The following SCN1A variants were observed in gnomAD, a reference collection of about 807,000 sequenced individuals.
SCN1A encodes sodium channel protein type 1 subunit alpha.
In SCN1A, 13 loss-of-function variants were observed where a neutral mutation model predicts 193.7. The ratio of observed to expected loss-of-function variants is 0.07; its 90% CI spans 0.04 to 0.11. The LOEUF (loss-of-function observed/expected upper bound fraction) is 0.11. Ranked by LOEUF, SCN1A falls within the 10% of genes least tolerant of loss-of-function variation. SCN1A has a pLI of 1.00. For missense variants in SCN1A, 1,432 were observed against 2,451.1 expected (o/e 0.58, Z 8.78); for synonymous variants, 781 against 843.6 (o/e 0.93, Z 1.29).
intron 1 of SCN1A, among the ~76,000 whole-genome samples, chr2:166,134,948 A>T (rs1476429323): frequency 6.6e-6 from 1 of 152,208 alleles, no homozygotes; most frequent in Non-Finnish European, 1.5e-5. Context: ...GAGAAAATAA[A>T]CATAAATGCA....
intron 4 of SCN1A, among the ~76,000 whole-genome samples, chr2:166,072,436 G>C (rs143694858): frequency 2.6e-5 from 4 of 152,220 alleles, no homozygotes; most frequent in African/African-American, 9.6e-5. Flanking sequence ...ATTGTTTATA[G>C]GTTCTTCAGG....
At chr2:166,131,662 G>T (rs887217436), upstream of SCN1A, among the ~76,000 whole-genome samples, 1 of 152,148 alleles carries the variant, frequency 6.6e-6, no homozygotes, top group African/African-American at 2.4e-5. Flanking sequence ...TTATCAGAAG[G>T]CTGAGGAATT....
At chr2:166,113,307 A>C (rs1689497063) in intron 2 of SCN1A, among the ~76,000 whole-genome samples, 1 of 152,106 alleles carries the variant, frequency 6.6e-6, no homozygotes, top group Non-Finnish European at 1.5e-5. Context: ...TAAATTTAGA[A>C]TCTAAGTACT....
At chr2:166,068,164 T>C (rs561075171) in intron 4 of SCN1A, among the ~76,000 whole-genome samples, 2 of 152,290 alleles carry the variant, frequency 1.3e-5, no homozygotes, top group East Asian at 3.9e-4. Context: ...AGGTACTGGG[T>C]ATTTTGATAT....
At chr2:166,083,319 A>G (rs1365359483) in intron 2 of SCN1A, among the ~76,000 whole-genome samples, 2 of 152,122 alleles carry the variant, frequency 1.3e-5, no homozygotes, top group Non-Finnish European at 2.9e-5. Context: ...TAACTTCATT[A>G]TCTACCCTTA....
At chr2:166,132,359 A>T (rs1300948243), upstream of SCN1A, among the ~76,000 whole-genome samples, 1 of 136,670 alleles carries the variant, frequency 7.3e-6, no homozygotes, top group Non-Finnish European at 1.6e-5. Flanking sequence ...TTGCTTTTGT[A>T]GATGTCAATT....
At chr2:166,136,157 A>G (rs766216044) in intron 1 of SCN1A, among the ~76,000 whole-genome samples, 24 of 152,190 alleles carry the variant, frequency 1.6e-4, no homozygotes, top group Non-Finnish European at 3.1e-4. Flanking sequence ...TCTGATTGCT[A>G]TCATGACATC....
chr2:166,128,280 G>C (rs1314089373), upstream of SCN1A, among the ~76,000 whole-genome samples: 2 of 151,892 alleles, frequency 1.3e-5, no homozygotes, highest in Admixed American at 1.3e-4. Flanking sequence ...AGAGGAAAAG[G>C]TTTGAAAGTA....
Position 166,058,692 on chromosome 2 carries a change from T to C in SCN1A, c.265-4A>G, listed in dbSNP as rs776470979. 1.1e-5 allele frequency: 16 copies of C among 1,492,350 alleles called. No homozygotes were observed. The Admixed American group carries it at 2.7e-4, about 25-fold the overall frequency. The allele number at this position is 1,492,350 out of a possible 1,614,324, so 92.4% of individuals were successfully genotyped here. On this transcript the variant is annotated splice_region_variant and splice_polypyrimidine_tract_variant and intron_variant, in intron 4 of 28. Transcript: ENST00000674923. ...CTTTATTCAATACTATAAAAGTCTG[T>C]AAGACAGGAACACAACATAGAAGTA...
Position 165,996,030 on chromosome 2 carries a change from G to T in SCN1A, c.4564C>A (p.Pro1522Thr). 1 of 1,605,826 alleles carries T rather than the reference G, an allele frequency of 6.2e-7. No homozygotes were observed. The change falls in exon 27 of 29, where the codon CCT becomes ACT. Residue 1522 changes from proline (P) to threonine (T), a missense_variant. Physicochemically the swap from Pro to Thr is conservative, Grantham distance 38 (BLOSUM62 -1). This residue lies in a region of SCN1A where 85 missense variants were observed against 119.1 expected (regional missense o/e 0.71). Transcript: ENST00000674923. ...KKLGSKKPQK[P>T]IPRPGNKFQG... ...CTTCTTACTCCTGGTCGAGGTATAG[G>T]CTTTTGCGGTTTTTTCGATCCTAAT...
intron 5 of SCN1A, 126 bp from the exon 6 acceptor site, chr2:166,056,626 G>C: frequency 1.4e-6 from 1 of 706,292 alleles, no homozygotes; most frequent in South Asian, 1.6e-5. Flanking sequence ...TTGTGGGCAA[G>C]TCTTCTAATC....
intron 9 of SCN1A, among the ~76,000 whole-genome samples, chr2:166,049,764 A>C (rs937902677): frequency 6.6e-6 from 1 of 152,018 alleles, no homozygotes; most frequent in African/African-American, 2.4e-5. Flanking sequence ...TATTCTTAGG[A>C]TGACACTACT....
At chr2:165,995,910 G>T (rs1689964635) in intron 27 of SCN1A, 103 bp downstream of exon 27, 7 of 800,946 alleles carry the variant, frequency 8.7e-6, no homozygotes, top group South Asian at 7.4e-5. Context: ...ACAAGTGAAA[G>T]AAATTTTTTC....
At chr2:166,044,667 A>C (rs749499950) in intron 13 of SCN1A, among the ~76,000 whole-genome samples, 1 of 152,200 alleles carries the variant, frequency 6.6e-6, no homozygotes, top group African/African-American at 2.4e-5. Context: ...GAAAAAAAAC[A>C]TAAAATCATA....
chr2:166,118,298 G>GCTTCTTCTTTTTTTTTTTTTT (rs371947861), intron 2 of SCN1A, among the ~76,000 whole-genome samples: 3 of 44,696 alleles, frequency 6.7e-5, no homozygotes, highest in African/African-American at 2.2e-4. Flanking sequence ...TTTCTATTTA[G>GCTTCTTCTTTTTTTTTTTTTT]TTTCTTTTTT....
At position 165,992,522 on chromosome 2, in the gene SCN1A, A is replaced by T; in HGVS notation, c.4853-100T>A. ...TCCAAGGTAAGGTTCAGAGTCCTGA[A>T]CCCAGTTATATTAAATATGACAACT... On this transcript the variant is annotated intron_variant, in intron 28 of 28. Transcript: ENST00000674923. The surrounding 1 kb of genome is among the most constrained non-coding windows in gnomAD (Gnocchi z 6.5). The T allele has an allele frequency of 8.8e-7, 1 of 1,134,944 alleles. No homozygotes were observed. The highest frequency in any genetic ancestry group is 1.3e-6 in the Non-Finnish European group (1 of 761,502). The allele number at this position is 1,134,944 out of a possible 1,614,324, so 70.3% of individuals were successfully genotyped here.
chr2:166,023,046 T>G (rs1694271374), intron 19 of SCN1A, among the ~76,000 whole-genome samples: 1 of 152,252 alleles, frequency 6.6e-6, no homozygotes. Context: ...AATTCTCAAC[T>G]TTAAAGCTCT....
intron 1 of SCN1A, among the ~76,000 whole-genome samples, chr2:166,137,129 C>G (rs1191360078): frequency 6.6e-6 from 1 of 152,152 alleles, no homozygotes; most frequent in Non-Finnish European, 1.5e-5. Flanking sequence ...TTGTTGGGCT[C>G]TGGGAATGTT....
chr2:166,025,264 C>T (rs888020863), intron 19 of SCN1A, among the ~76,000 whole-genome samples: 3 of 152,096 alleles, frequency 2.0e-5, no homozygotes, highest in Non-Finnish European at 4.4e-5. Context: ...AGTTTACTGT[C>T]GTTGGCAGAG....
Sources: gnomAD v4.1 joint callset for allele counts (sites outside exome capture counted in the v4.1 genomes callset) on GRCh38, gnomAD v4.1.1 for gene constraint, gnomAD v4.1.1 regional missense constraint, Gnocchi (gnomAD v3.1) non-coding constraint, MANE v1.5 for transcripts, NCBI Gene and HGNC (gene_info 2026-07-23, HGNC 2026-07-21) for gene names.